GDF6: variants seen among roughly 807,000 people sequenced by gnomAD.
GDF6 encodes the protein growth/differentiation factor 6.
In GDF6, 3 loss-of-function variants were observed where a neutral mutation model predicts 32.4. The observed-to-expected ratio is 0.09, with a 90% CI of 0.04 to 0.24. GDF6 has a LOEUF of 0.24. Among genes scored for constraint, GDF6 ranks in the 10% least tolerant of loss-of-function variants. The pLI is 1.00. For synonymous variants in GDF6, 296 were observed against 295.3 expected, an observed-to-expected ratio of 1.00 and a Z score of -0.03; for missense variants, 589 against 637.9, an observed-to-expected ratio of 0.92 and a Z score of 0.83.
rs565877093 is a variant in GDF6 at position 96,145,357 on chromosome 8, G to A, written c.574C>T (p.Leu192Phe). Residue 192 changes from leucine to phenylalanine, a missense_variant, in exon 2 of 2, where the codon CTT (leucine) becomes TTT (phenylalanine). This residue lies in a region of GDF6 where 436 missense variants were observed against 411.2 expected (regional missense o/e 1.06). Transcript: ENST00000287020. The surrounding 1 kb of genome is among the most constrained non-coding windows in gnomAD (Gnocchi z 5.6). Reference protein sequence around the residue: ...GPLHVQLFPCLSPLLLDARTL... With the variant: ...GPLHVQLFPCFSPLLLDARTL... ...CGCGCGTCCAGCAGTAGGGGCGAAAGGCAAGGGAAGAGCTGCACGTGGAGC... is the reference window on the plus strand; with the variant it reads ...CGCGCGTCCAGCAGTAGGGGCGAAAAGCAAGGGAAGAGCTGCACGTGGAGC... 3.3e-5 allele frequency: 52 copies of A among 1,553,766 alleles called. No homozygotes were observed. In the African/African-American group the frequency reaches 5.9e-4, roughly 18 times the overall value.
chr8:96,158,749 C>A (rs1428581956), intron 1 of GDF6, among the ~76,000 whole-genome samples: 3 of 152,100 alleles, frequency 2.0e-5, no homozygotes, highest in Non-Finnish European at 1.5e-5. Flanking sequence ...GGTTGGCGAG[C>A]TGCACGGGCA....
In GDF6 at chr8:96,144,989, C is replaced by T. The variant is rs2130206199; in HGVS notation, c.942G>A (p.Pro314=). 7.6e-7 allele frequency: 1 copy of T among 1,309,086 alleles called. No individual in the cohort carries two copies. 81.1% of individuals were successfully genotyped at this position (1,309,086 alleles called of 1,614,324 possible). The part of the protein sequence containing the change: ...GPGAGAEGSW[P]PPSGAPDARP... ...TGGCATCCGGGGCGCCCGACGGCGG[C>T]GGCCACGACCCCTCGGCGCCCGCGC... is the stretch of plus-strand genomic sequence containing the variant. The change falls in exon 2 of 2, where the codon CCG becomes CCA. Residue 314 remains proline (P), a synonymous_variant. Coordinates refer to ENST00000287020, the MANE Select transcript of GDF6 (RefSeq NM_001001557.4). The surrounding 1 kb of genome is among the most constrained non-coding windows in gnomAD (Gnocchi z 5.1).
At chr8:96,157,561 AG>A (rs1416448825) in intron 1 of GDF6, among the ~76,000 whole-genome samples, 5 of 151,890 alleles carry the variant, frequency 3.3e-5, no homozygotes, top group Non-Finnish European at 7.4e-5. Flanking sequence ...CCCTTAGGCA[AG>A]GCGCCAAGTT....
chr8:96,152,901 A>G (rs1463139223), intron 1 of GDF6, among the ~76,000 whole-genome samples: 3 of 152,292 alleles, frequency 2.0e-5, no homozygotes, highest in Middle Eastern at 3.4e-3. Flanking sequence ...AAGTGGGTCT[A>G]GTGGCCTGCC....
At chr8:96,155,180 G>A (rs1247303514) in intron 1 of GDF6, among the ~76,000 whole-genome samples, 1 of 152,256 alleles carries the variant, frequency 6.6e-6, no homozygotes, top group Non-Finnish European at 1.5e-5. Flanking sequence ...AGGCCCGAGA[G>A]CCTCCCGCGT....
intron 1 of GDF6, among the ~76,000 whole-genome samples, chr8:96,159,708 A>C (rs569025855): frequency 6.6e-6 from 1 of 152,240 alleles, no homozygotes; most frequent in African/African-American, 2.4e-5. Context: ...GCAGGGCTCC[A>C]GCCCGGCTGA....
intron 1 of GDF6, among the ~76,000 whole-genome samples, chr8:96,148,305 AT>A (rs1812516096): frequency 6.6e-6 from 1 of 152,202 alleles, no homozygotes; most frequent in Non-Finnish European, 1.5e-5. Flanking sequence ...AGGTGCACAC[AT>A]CAGTGGTTCG....
intron 1 of GDF6, among the ~76,000 whole-genome samples, chr8:96,152,286 A>G (rs967510487): frequency 3.9e-5 from 6 of 152,320 alleles, no homozygotes; most frequent in Middle Eastern, 6.8e-3. Flanking sequence ...CCACAGTGCC[A>G]GGTGAACAGA....
At chr8:96,157,386 G>C (rs867164430) in intron 1 of GDF6, among the ~76,000 whole-genome samples, 3 of 152,172 alleles carry the variant, frequency 2.0e-5, no homozygotes, top group African/African-American at 7.2e-5. Flanking sequence ...TGTAACTTTG[G>C]GGTTTCCGGG....
chr8:96,148,516 C>T (rs1450729067), intron 1 of GDF6, among the ~76,000 whole-genome samples: 1 of 152,244 alleles, frequency 6.6e-6, no homozygotes, highest in African/African-American at 2.4e-5. Flanking sequence ...AATGCAAATT[C>T]TCTCTCGCTC....
At chr8:96,157,194 G>A (rs897449953) in intron 1 of GDF6, among the ~76,000 whole-genome samples, 1 of 152,148 alleles carries the variant, frequency 6.6e-6, no homozygotes, top group Non-Finnish European at 1.5e-5. Context: ...TGAAAGAAGG[G>A]ACCTGTTTTA....
Position 96,144,286 on chromosome 8 carries a change from GAGAGAA to G in GDF6, c.*271_*276del. 2.1e-6 allele frequency: 1 copy of G among 475,774 alleles called. No homozygotes were observed. Among genetic ancestry groups the G allele is most frequent in the Non-Finnish European group, 3.8e-6 (1 of 261,822 alleles). The allele number at this position is 475,774 out of a possible 1,614,324, so 29.5% of individuals were successfully genotyped here. Reference sequence around the variant, plus strand: ...AGAGAGAGAGAGAGAGAGAGAGAGAGAGAGAAAACAGAACAAAAGAAATCCTCCTTG... The same window carrying G: ...AGAGAGAGAGAGAGAGAGAGAGAGAGAACAGAACAAAAGAAATCCTCCTTG... On this transcript the variant is annotated 3_prime_UTR_variant, in exon 2 of 2. Coordinates refer to ENST00000287020, the MANE Select transcript of GDF6 (RefSeq NM_001001557.4). This position sits in a 1 kb window ranked among gnomAD's most constrained non-coding sequence, Gnocchi z 5.1.
intron 1 of GDF6, among the ~76,000 whole-genome samples, chr8:96,146,429 G>C (rs1812486431): frequency 6.6e-6 from 1 of 151,948 alleles, no homozygotes; most frequent in East Asian, 1.9e-4. Context: ...CCATCAGGCG[G>C]TTTTGGTGGG....
chr8:96,160,224 G>A, intron 1 of GDF6, 63 bp downstream of exon 1: 7 of 1,535,992 alleles, frequency 4.6e-6, no homozygotes, highest in Non-Finnish European at 6.3e-6. Context: ...CCTCCAGCGG[G>A]AACAGCTCCC....
chr8:96,158,930 G>A (rs1812714918), intron 1 of GDF6, among the ~76,000 whole-genome samples: 1 of 151,850 alleles, frequency 6.6e-6, no homozygotes, highest in South Asian at 2.1e-4. Context: ...CGAGACCCTC[G>A]AGCAAGGAAC....
In GDF6 at chr8:96,143,854, G is replaced by A. The variant is rs549993103; in HGVS notation, c.*709C>T. 54 of 152,926 alleles carry A rather than the reference G, an allele frequency of 3.5e-4. No individual in the cohort carries two copies. Among genetic ancestry groups the A allele is most frequent in the African/African-American group, 1.2e-3 (48 of 41,568 alleles). The allele number at this position is 152,926 out of a possible 1,614,324, so 9.5% of individuals were successfully genotyped here. On this transcript the variant is annotated 3_prime_UTR_variant, in exon 2 of 2. Coordinates refer to ENST00000287020, the MANE Select transcript of GDF6 (RefSeq NM_001001557.4). ...ATGAAGGTTGCCAGTTCCTGGTACC[G>A]AAAGAGGCCAGGGCAGAGCTGGTAA...
rs1369067045 is a variant in GDF6 at position 96,144,244 on chromosome 8, T to TGGAGAGAG, written c.*318_*319insCTCTCTCC. The TGGAGAGAG allele has an allele frequency of 8.5e-6, 2 of 234,918 alleles. No homozygotes were observed. Among genetic ancestry groups the TGGAGAGAG allele is most frequent in the East Asian group, 2.5e-4 (2 of 8,160 alleles). 14.6% of individuals were successfully genotyped at this position (234,918 alleles called of 1,614,324 possible). A position where few individuals can be genotyped will look rare whatever the true frequency, so the allele number is the denominator to read the frequency against. On this transcript the variant is annotated 3_prime_UTR_variant, in exon 2 of 2. Coordinates refer to ENST00000287020, the MANE Select transcript of GDF6 (RefSeq NM_001001557.4). The surrounding 1 kb of genome is among the most constrained non-coding windows in gnomAD (Gnocchi z 5.1). ...ATAAGGAAATCCAAAGCCACAGTAA[T>TGGAGAGAG]AGAGAGAGAGAGAGAGAGAGAGAGA...
At chr8:96,153,559 G>A (rs1216116352) in intron 1 of GDF6, among the ~76,000 whole-genome samples, 21 of 152,234 alleles carry the variant, frequency 1.4e-4, no homozygotes, top group Non-Finnish European at 4.4e-5. Context: ...TCACCCGGGA[G>A]CCCAGGGGAG....
rs762770107 is a variant in GDF6, at chr8:96,160,364, T to C, written c.329A>G (p.Lys110Arg). 5 of 1,614,212 alleles carry C rather than the reference T, an allele frequency of 3.1e-6. No individual in the cohort carries two copies. In the South Asian group the frequency reaches 5.5e-5, roughly 18 times the overall value. ...GAAAAAGCTGGCATTGATGCCCAGC[T>C]TCTCAGCGATGGAGTAAGTCCTGTA... ...SIYRTYSIAEKLGINASFFQS... is the reference protein window; with the variant it reads ...SIYRTYSIAERLGINASFFQS... Residue 110 changes from lysine to arginine, a missense_variant, in exon 1 of 2, where the codon AAG becomes AGG. Physicochemically the swap from Lys to Arg is conservative, Grantham distance 26. Transcript: ENST00000287020.
Sources: gnomAD v4.1 joint callset for allele counts (sites outside exome capture counted in the v4.1 genomes callset) on GRCh38, gnomAD v4.1.1 for gene constraint, gnomAD v4.1.1 regional missense constraint, Gnocchi (gnomAD v3.1) non-coding constraint, MANE v1.5 for transcripts, NCBI Gene and HGNC (gene_info 2026-07-23, HGNC 2026-07-21) for gene names.